The following LHPP variants were observed in gnomAD, a reference collection of about 807,000 sequenced individuals.
LHPP encodes the protein hLHPP.
Under a neutral mutation model 30.3 loss-of-function variants are expected in LHPP, and 24 were observed. The ratio of observed to expected loss-of-function variants is 0.79; its 90% confidence interval spans 0.57 to 1.11. The LOEUF (loss-of-function observed/expected upper bound fraction) is 1.11. LHPP is among the 50% of genes most tolerant of loss of function. The pLI is 0.00. For missense variants in LHPP, 356 were observed against 367.2 expected (o/e 0.97, Z 0.25); for synonymous variants, 150 against 157.1 (o/e 0.95, Z 0.34).
At chr10:124,530,156 G>A (rs1185756976) in intron 6 of LHPP, among the ~76,000 whole-genome samples, 2 of 152,132 alleles carry the variant, frequency 1.3e-5, no homozygotes. Context: ...AGGCCCCCAG[G>A]GCAGTGTGCA....
Position 124,596,526 on chromosome 10 carries a change from G to A in LHPP, c.717-16738G>A, listed in dbSNP as rs564441620. Reference sequence around the variant, plus strand: ...AGGTGGAACACACACAGAGTGGGCCGGCGCTCATAAGCAGTCCCGTGTGAA... The same window carrying A: ...AGGTGGAACACACACAGAGTGGGCCAGCGCTCATAAGCAGTCCCGTGTGAA... On this transcript the variant is annotated intron_variant, in intron 6 of 6. Transcript: ENST00000368842. The surrounding 1 kb of genome is among the most constrained non-coding windows in gnomAD (Gnocchi z 4.6). 6.6e-5 allele frequency among the ~76,000 whole-genome samples: 10 copies of A among 152,268 alleles called. No individual in the cohort carries two copies. In the East Asian group the frequency reaches 1.4e-3, roughly 21 times the overall value.
chr10:124,612,126 G>A (rs773659992), intron 6 of LHPP, among the ~76,000 whole-genome samples: 12 of 152,280 alleles, frequency 7.9e-5, no homozygotes, highest in South Asian at 6.2e-4. Context: ...GATGGGGGCC[G>A]GGCACGGTGG....
At chr10:124,470,681 C>CAACAACAATAATAAT (rs1554877242) in intron 1 of LHPP, among the ~76,000 whole-genome samples, 65 of 150,766 alleles carry the variant, frequency 4.3e-4, no homozygotes, top group Admixed American at 4.6e-4. Context: ...ACAACAACAA[C>CAACAACAATAATAAT]AATAATAATA....
chr10:124,481,307 A>G (rs1303717824), intron 1 of LHPP, among the ~76,000 whole-genome samples: 2 of 150,144 alleles, frequency 1.3e-5, no homozygotes, highest in Non-Finnish European at 3.0e-5. Flanking sequence ...AGCTGTCACT[A>G]CCACTCATGG....
intron 6 of LHPP, among the ~76,000 whole-genome samples, chr10:124,569,349 C>T (rs1482272165): frequency 6.6e-6 from 1 of 152,138 alleles, no homozygotes; most frequent in Non-Finnish European, 1.5e-5. Context: ...AGTTGTCTGT[C>T]GGGCTGTGTC....
In LHPP at chr10:124,592,820, C is replaced by A. The variant is rs547170741; in HGVS notation, c.717-20444C>A. ...ATGAAAACTGAAGAAAACAAGATTC[C>A]GTCTAGGAATCGTCCAGGGCGCGGC... On this transcript the variant is annotated intron_variant, in intron 6 of 6. Transcript: ENST00000368842. This position sits in a 1 kb window ranked among gnomAD's most constrained non-coding sequence, Gnocchi z 6.2. Among the ~76,000 whole-genome samples the A allele has an allele frequency of 6.6e-6, 1 of 152,210 alleles. No individual in the cohort carries two copies. The highest frequency in any genetic ancestry group is 2.4e-5 in the African/African-American group (1 of 41,464).
At chr10:124,604,106 G>A (rs1949063107) in intron 6 of LHPP, among the ~76,000 whole-genome samples, 1 of 152,224 alleles carries the variant, frequency 6.6e-6, no homozygotes, top group African/African-American at 2.4e-5. Flanking sequence ...CTCCTGCTCG[G>A]GTTTCTTTGT....
chr10:124,496,805 C>T lies in LHPP; in HGVS notation c.468-156C>T, dbSNP rs1351645980. 1.3e-5 allele frequency among the ~76,000 whole-genome samples: 2 copies of T among 152,246 alleles called. No individual in the cohort carries two copies. Among genetic ancestry groups the T allele is most frequent in the African/African-American group, 4.8e-5 (2 of 41,458 alleles). ...CGCCCGGCTCTGTGGTGCTGGTCCC[C>T]TGCGGTCATTCTCAGCGTAGCGCCT... On this transcript the variant is annotated intron_variant, in intron 3 of 6. Transcript: ENST00000368842. The surrounding 1 kb of genome is among the most constrained non-coding windows in gnomAD (Gnocchi z 4.3).
chr10:124,552,861 A>G (rs576462989), intron 6 of LHPP, among the ~76,000 whole-genome samples: 19 of 152,372 alleles, frequency 1.2e-4, no homozygotes, highest in Non-Finnish European at 2.4e-4. Context: ...TTGGAGCGTA[A>G]TTGTAATCCA....
chr10:124,530,779 C>T (rs979065388), intron 6 of LHPP, among the ~76,000 whole-genome samples: 5 of 152,220 alleles, frequency 3.3e-5, no homozygotes, highest in African/African-American at 7.2e-5. Flanking sequence ...CCACCCTTCA[C>T]GGGTGCAGAC....
intron 6 of LHPP, among the ~76,000 whole-genome samples, chr10:124,543,102 A>C (rs923168353): frequency 3.9e-5 from 6 of 152,164 alleles, no homozygotes; most frequent in African/African-American, 1.2e-4. Context: ...TGTACCTGTC[A>C]GGGGGCTGGA....
chr10:124,563,180 G>A (rs192114745), intron 6 of LHPP, among the ~76,000 whole-genome samples: 148 of 152,166 alleles, frequency 9.7e-4, no homozygotes, highest in Middle Eastern at 3.4e-3. Context: ...ACAAATGTTC[G>A]TTGCAGTTTT....
Position 124,480,211 on chromosome 10 carries a change from G to T in LHPP, c.126-3928G>T, listed in dbSNP as rs2361615. Among the ~76,000 whole-genome samples, 32 of 152,142 alleles carry T rather than the reference G, an allele frequency of 2.1e-4. No homozygotes were observed. In the East Asian group the frequency reaches 5.6e-3, roughly 27 times the overall value. On this transcript the variant is annotated intron_variant, in intron 1 of 6. Coordinates refer to ENST00000368842, the MANE Select transcript of LHPP (RefSeq NM_022126.4). ...ATGGGTCTCTGGTGACGGCTCAAAG[G>T]GGGGTGTGGTCCGGGGCGCAGAAGG... is the stretch of plus-strand genomic sequence containing the variant.
chr10:124,583,360 A>T (rs867707368), intron 6 of LHPP, among the ~76,000 whole-genome samples: 2 of 152,176 alleles, frequency 1.3e-5, no homozygotes, highest in Non-Finnish European at 2.9e-5. Flanking sequence ...GTTCTTTTGC[A>T]TGGTGCTATC....
intron 6 of LHPP, among the ~76,000 whole-genome samples, chr10:124,538,176 AGGGTCACCATGCGGGGTCACCATGTG>A (rs1955082486): frequency 2.6e-5 from 1 of 38,390 alleles, no homozygotes; most frequent in African/African-American, 1.8e-4. Context: ...CTCACCATGC[AGGGTCACCATGCGGGGTCACCATGTG>A]GGGTCACCAT....
intron 5 of LHPP, among the ~76,000 whole-genome samples, chr10:124,511,388 G>A (rs1366499566): frequency 6.6e-6 from 1 of 152,166 alleles, no homozygotes; most frequent in Non-Finnish European, 1.5e-5. Flanking sequence ...ACACACTCTG[G>A]GAAGCACAGG....
At chr10:124,612,584 T>G (rs1192613957) in intron 6 of LHPP, among the ~76,000 whole-genome samples, 1 of 152,140 alleles carries the variant, frequency 6.6e-6, no homozygotes, top group Non-Finnish European at 1.5e-5. Flanking sequence ...CTCTGCACTG[T>G]CTCATGGCTT....
rs985627453 is a variant in LHPP, at chr10:124,599,591, C to G, written c.717-13673C>G. Among the ~76,000 whole-genome samples the G allele has an allele frequency of 2.0e-5, 3 of 152,254 alleles. No homozygotes were observed. The East Asian group carries it at 5.8e-4, about 29-fold the overall frequency. On this transcript the variant is annotated intron_variant, in intron 6 of 6. Transcript: ENST00000368842. ...CTCCCCTCTCAGTTCCTCAGCCTGGCTATGGGAGGCCCAAGTCCCACGTGT... is the reference window on the plus strand; with the variant it reads ...CTCCCCTCTCAGTTCCTCAGCCTGGGTATGGGAGGCCCAAGTCCCACGTGT...
At chr10:124,465,608 T>C (rs968129263) in intron 1 of LHPP, among the ~76,000 whole-genome samples, 1 of 152,164 alleles carries the variant, frequency 6.6e-6, no homozygotes, top group African/African-American at 2.4e-5. Context: ...TCCGCCTTAC[T>C]CAAATAAGAG....
Sources: gnomAD v4.1 joint callset for allele counts (sites outside exome capture counted in the v4.1 genomes callset) on GRCh38, gnomAD v4.1.1 for gene constraint, Gnocchi (gnomAD v3.1) non-coding constraint, MANE v1.5 for transcripts, NCBI Gene and HGNC (gene_info 2026-07-23, HGNC 2026-07-21) for gene names.